Variants in HDAC5 observed in about 807,000 individuals in gnomAD.
HDAC5 encodes the protein histone deacetylase 5, also known as antigen NY-CO-9.
Under a neutral mutation model 133.3 loss-of-function variants are expected in HDAC5, and 25 were observed. The observed-to-expected ratio is 0.19, with a 90% CI of 0.14 to 0.26. The LOEUF (loss-of-function observed/expected upper bound fraction) is 0.26. HDAC5 is among the 10% of genes least tolerant of loss of function. HDAC5 has a pLI of 1.00. For synonymous variants in HDAC5, 589 were observed against 610.8 expected, an observed-to-expected ratio of 0.96 and a Z score of 0.53; for missense variants, 1,041 against 1,460.5, an observed-to-expected ratio of 0.71 and a Z score of 4.68.
rs2050220182 is a variant in HDAC5, at chr17:44,078,509, T to C, written c.3320A>G (p.His1107Arg). 2.5e-6 allele frequency: 4 copies of C among 1,608,316 alleles called. No homozygotes were observed. The South Asian group carries it at 3.3e-5, about 13-fold the overall frequency. Residue 1107 changes from histidine (H) to arginine (R), a missense_variant, in exon 26 of 27, where the codon CAC becomes CGC. Physicochemically the swap from His to Arg is conservative, Grantham distance 29. Transcript: ENST00000682912. ...EQAQAAAARE[H>R]SPRPAEEPME... is the part of the protein sequence containing the mutation. Reference sequence around the variant, plus strand: ...GCGGGTTGCTGCTTACCTGGGGCTGTGTTCCCGGGCTGCCGCAGCCTGGGC... The same window carrying C: ...GCGGGTTGCTGCTTACCTGGGGCTGCGTTCCCGGGCTGCCGCAGCCTGGGC...
At chr17:44,115,446 G>A (rs1020961082) in intron 2 of HDAC5, among the ~76,000 whole-genome samples, 3 of 152,042 alleles carry the variant, frequency 2.0e-5, no homozygotes, top group Admixed American at 1.3e-4. Flanking sequence ...CTTTACTTCC[G>A]CCGAGTTCCA....
chr17:44,094,420 G>C (rs9747502), intron 3 of HDAC5, among the ~76,000 whole-genome samples: 2,097 of 151,938 alleles, frequency 0.014, 52 homozygotes, highest in African/African-American at 0.048. Flanking sequence ...GGTAGATCAC[G>C]AGGTCAGGAG....
chr17:44,122,209 T>TG (rs1004659985), intron 1 of HDAC5, among the ~76,000 whole-genome samples: 3 of 151,764 alleles, frequency 2.0e-5, no homozygotes, highest in African/African-American at 7.3e-5. Context: ...AGGCTCAGGG[T>TG]GCCTAGGACT....
rs904349614 is a variant in HDAC5 at position 44,085,117 on chromosome 17, T to C, written c.2089A>G (p.Met697Val). The C allele has an allele frequency of 2.5e-6, 4 of 1,603,354 alleles. No homozygotes were observed. Among genetic ancestry groups the C allele is most frequent in the Non-Finnish European group, 3.4e-6 (4 of 1,171,072 alleles). The change falls in exon 15 of 27, where the codon ATG becomes GTG. Residue 697 changes from methionine to valine, a missense_variant. By Grantham distance (21) the Met-to-Val change is conservative. This residue lies in a region of HDAC5 where 42 missense variants were observed against 101.7 expected (regional missense o/e 0.41). Coordinates refer to ENST00000682912, the MANE Select transcript of HDAC5 (RefSeq NM_005474.5). ...YDTFMLKHQC[M>V]CGNTHVHPEH... is the part of the protein sequence containing the mutation. ...GGGTGCACGTGTGTGTTCCCGCACATGCACTGGTGCTTTAGCATGAACGTG... is the reference window on the plus strand; with the variant it reads ...GGGTGCACGTGTGTGTTCCCGCACACGCACTGGTGCTTTAGCATGAACGTG...
chr17:44,108,813 G>A (rs866277267), intron 3 of HDAC5, among the ~76,000 whole-genome samples: 29 of 146,412 alleles, frequency 2.0e-4, no homozygotes, highest in Middle Eastern at 3.5e-3. Flanking sequence ...GCCTATATCT[G>A]TCCCTAGCCG....
intron 3 of HDAC5, among the ~76,000 whole-genome samples, chr17:44,110,272 G>A (rs886477057): frequency 1.3e-5 from 2 of 152,196 alleles, no homozygotes; most frequent in South Asian, 2.1e-4. Flanking sequence ...CACTGTACTC[G>A]ATCCTGTAGC....
chr17:44,088,721 C>T, intron 11 of HDAC5, 123 bp from the exon 12 acceptor site: 2 of 1,382,058 alleles, frequency 1.4e-6, no homozygotes, highest in Non-Finnish European at 1.9e-6. Flanking sequence ...TCAGGAAAAA[C>T]CCTGGGGGAC....
intron 3 of HDAC5, 92 bp from the exon 4 acceptor site, chr17:44,093,926 G>C (rs1026178735): frequency 7.2e-7 from 1 of 1,396,758 alleles, no homozygotes; most frequent in East Asian, 2.7e-5. Flanking sequence ...AGGATTCTAG[G>C]AGACCCAAAG....
At chr17:44,111,940 G>A (rs924636084) in intron 2 of HDAC5, among the ~76,000 whole-genome samples, 3 of 152,154 alleles carry the variant, frequency 2.0e-5, no homozygotes, top group African/African-American at 4.8e-5. Context: ...CTCCTCCATG[G>A]CAATGTGCCA....
chr17:44,110,839 A>C, intron 2 of HDAC5, 39 bp from the exon 3 acceptor site: 1 of 1,550,236 alleles, frequency 6.5e-7, no homozygotes, highest in South Asian at 1.1e-5. Context: ...GATGGTCTGC[A>C]GCATCTCCAC....
At chr17:44,104,812 G>A (rs1034662839) in intron 3 of HDAC5, among the ~76,000 whole-genome samples, 1 of 151,488 alleles carries the variant, frequency 6.6e-6, no homozygotes, top group Non-Finnish European at 1.5e-5. Flanking sequence ...CCCCACTGCA[G>A]GTGACACCTC....
chr17:44,118,061 C>T (rs2052758801), intron 1 of HDAC5, among the ~76,000 whole-genome samples: 1 of 152,168 alleles, frequency 6.6e-6, no homozygotes. Flanking sequence ...GATCTGTATC[C>T]ATAGCAGTGG....
Position 44,088,426 on chromosome 17 carries a change from G to C in HDAC5, c.1560C>G (p.Phe520Leu). 2 of 1,575,052 alleles carry C rather than the reference G, an allele frequency of 1.3e-6. No individual in the cohort carries two copies. The highest frequency in any genetic ancestry group is 1.2e-5 in the South Asian group (1 of 86,720). ...GCTGCTGCTGCTTCTGCTTCTCCAG[G>C]AACTGCTGGTGCTGTTGTTGCATGA... ...QLVMQQQHQQFLEKQKQQQLQ... is the reference protein window; with the variant it reads ...QLVMQQQHQQLLEKQKQQQLQ... The change falls in exon 12 of 27, where the codon TTC becomes TTG. Residue 520 changes from phenylalanine to leucine, a missense_variant. Phe to Leu is a conservative substitution (Grantham distance 22). Coordinates refer to ENST00000682912, the MANE Select transcript of HDAC5 (RefSeq NM_005474.5).
intron 3 of HDAC5, among the ~76,000 whole-genome samples, chr17:44,100,858 G>A (rs1245310612): frequency 6.8e-5 from 10 of 148,148 alleles, no homozygotes; most frequent in South Asian, 2.2e-4. Context: ...GCGTGATCTC[G>A]GCTCACTGCA....
intron 2 of HDAC5, chr17:44,111,316 G>A: frequency 3.0e-6 from 1 of 332,496 alleles, no homozygotes; most frequent in Non-Finnish European, 6.0e-6. Context: ...TGCTCAGGGA[G>A]CTGCGGGCGG....
chr17:44,095,821 C>CTTCG (rs2051236509), intron 3 of HDAC5, among the ~76,000 whole-genome samples: 1 of 151,862 alleles, frequency 6.6e-6, no homozygotes, highest in Admixed American at 6.6e-5. Context: ...AGGGCAGGAG[C>CTTCG]TTCGGCAGAG....
At position 44,082,438 on chromosome 17, in the gene HDAC5, G is replaced by T. The variant is rs1223802354; in HGVS notation, c.2607+147C>A. On this transcript the variant is annotated intron_variant, in intron 20 of 26. Coordinates refer to ENST00000682912, the MANE Select transcript of HDAC5 (RefSeq NM_005474.5). Reference sequence around the variant, plus strand: ...TTAGTCATCCGGCAGGAGCCCCAGCGCCCTTCCTTCTGCACCCACACCCAG... The same window carrying T: ...TTAGTCATCCGGCAGGAGCCCCAGCTCCCTTCCTTCTGCACCCACACCCAG... 106 of 631,590 alleles carry T rather than the reference G, an allele frequency of 1.7e-4. 4 individuals carry two copies. The South Asian group carries it at 2.0e-3, about 12-fold the overall frequency. 39.1% of individuals were successfully genotyped at this position (631,590 alleles called of 1,614,324 possible).
At chr17:44,084,741 T>G in intron 15 of HDAC5, 66 bp from the exon 16 acceptor site, 2 of 1,576,200 alleles carry the variant, frequency 1.3e-6, no homozygotes, top group Non-Finnish European at 1.7e-6. Context: ...CTCTGCCCCA[T>G]AGCCAGGGCA....
intron 2 of HDAC5, among the ~76,000 whole-genome samples, chr17:44,116,954 G>A (rs755736581): frequency 6.6e-6 from 1 of 152,100 alleles, no homozygotes; most frequent in East Asian, 1.9e-4. Context: ...GAGGAGAGCC[G>A]AGACTCCTCT....
Sources: allele counts gnomAD v4.1 joint callset (sites outside exome capture counted in the v4.1 genomes callset), GRCh38; gene constraint gnomAD v4.1.1; regional missense constraint gnomAD v4.1.1; transcripts MANE v1.5; gene names NCBI Gene and HGNC (gene_info 2026-07-23, HGNC 2026-07-21).